RFXANK: variants seen among roughly 807,000 people sequenced by gnomAD.
The protein encoded by RFXANK is DNA-binding protein RFXANK.
Under a neutral mutation model 34.5 loss-of-function variants are expected in RFXANK, and 19 were observed. That is an observed-to-expected ratio of 0.55 (90% CI 0.38 to 0.81). The LOEUF (loss-of-function observed/expected upper bound fraction) is 0.81, where lower values mean the gene tolerates loss of function less well. Ranked by LOEUF, RFXANK falls within the 30% of genes least tolerant of loss-of-function variation. The pLI, the probability that RFXANK is intolerant of heterozygous loss-of-function variation, is 0.00. For synonymous variants in RFXANK, 154 were observed against 149.8 expected (o/e 1.03, Z -0.20); for missense variants, 295 against 343.5 (o/e 0.86, Z 1.12).
chr19:19,194,075 T>A lies in RFXANK; in HGVS notation c.129T>A (p.Phe43Leu), dbSNP rs770661421. ...DGSDTVVLSL[F>L]PCTPEPVNPE... ...CAGACACTGTGGTCCTCAGTCTCTT[T>A]CCCTGCACCCCTGAGCCTGTGAATC... The change falls in exon 3 of 10, where the codon TTT becomes TTA. Residue 43 changes from phenylalanine (F) to leucine (L), a missense_variant. By Grantham distance (22) the Phe-to-Leu change is conservative. Transcript: ENST00000303088. The A allele has an allele frequency of 1.2e-6, 2 of 1,614,176 alleles. No homozygotes were observed. The highest frequency in any genetic ancestry group is 1.7e-6 in the Non-Finnish European group (2 of 1,180,030).
rs754796981 is a variant in RFXANK, at chr19:19,198,154, G to A, written c.486G>A (p.Ser162=). The change falls in exon 7 of 10, where the codon TCG becomes TCA. Residue 162 remains serine, a synonymous_variant. Transcript: ENST00000303088. ...CAAAAGAGCGAGAGAGCGCCCTGTCGCTGGCCAGCACAGGCGGCTACACAG... is the reference window on the plus strand; with the variant it reads ...CAAAAGAGCGAGAGAGCGCCCTGTCACTGGCCAGCACAGGCGGCTACACAG... ...ILAKERESAL[S]LASTGGYTDI... The A allele has an allele frequency of 6.2e-6, 10 of 1,613,998 alleles. No individual in the cohort carries two copies. Among genetic ancestry groups the A allele is most frequent in the African/African-American group, 2.7e-5 (2 of 74,914 alleles).
rs1568578747 is a variant in RFXANK, at chr19:19,197,040, CTAG to C, written c.266_268del (p.Leu89_Asp90delinsHis). On this transcript the variant is annotated inframe_deletion, in exon 4 of 10. Transcript: ENST00000303088. ...CGAGGTGTCAGCTCTGCCGGCCACC[CTAG>C]ACTGTGAGTGGGCCCACGGTCCCCA... is the stretch of plus-strand genomic sequence containing the variant. The C allele has an allele frequency of 6.2e-7, 1 of 1,613,598 alleles. No homozygotes were observed. Among genetic ancestry groups the C allele is most frequent in the Admixed American group, 1.7e-5 (1 of 60,018 alleles).
Position 19,201,789 on chromosome 19 carries a change from T to C in RFXANK, c.*70T>C, listed in dbSNP as rs1651153225. On this transcript the variant is annotated 3_prime_UTR_variant, in exon 10 of 10. Coordinates refer to ENST00000303088, the MANE Select transcript of RFXANK (RefSeq NM_003721.4). ...AGCCAGAGCTGGGGAAACCCAGAAC[T>C]GACTTCAAAGGCAGCTTCTGGACAG... The C allele has an allele frequency of 1.2e-6, 2 of 1,613,316 alleles. No individual in the cohort carries two copies. Among genetic ancestry groups the C allele is most frequent in the Non-Finnish European group, 1.7e-6 (2 of 1,179,746 alleles).
At chr19:19,199,710 G>C (rs57379914) in intron 9 of RFXANK, among the ~76,000 whole-genome samples, 1 of 152,106 alleles carries the variant, frequency 6.6e-6, no homozygotes, top group African/African-American at 2.4e-5. Flanking sequence ...GACACCAAGG[G>C]GTAGGCGACC....
chr19:19,193,883 T>C, intron 2 of RFXANK, 56 bp from the exon 3 acceptor site: 1 of 1,595,264 alleles, frequency 6.3e-7, no homozygotes, highest in Admixed American at 1.7e-5. Context: ...CGGTGCCTAC[T>C]TTATTATAAC....
In RFXANK at chr19:19,197,513, C is replaced by T. The variant is rs778996915; in HGVS notation, c.338-8C>T. On this transcript the variant is annotated splice_polypyrimidine_tract_variant and splice_region_variant and intron_variant, in intron 5 of 9. Coordinates refer to ENST00000303088, the MANE Select transcript of RFXANK (RefSeq NM_003721.4). ...AGCCTGGTGGTATTGCCCGCCTCCT[C>T]CTGCCAGGTGACAACCTCGTCAACA... is the stretch of plus-strand genomic sequence containing the variant. 2.5e-6 allele frequency: 4 copies of T among 1,613,458 alleles called. No individual in the cohort carries two copies. Among genetic ancestry groups the T allele is most frequent in the Non-Finnish European group, 3.4e-6 (4 of 1,179,866 alleles).
intron 7 of RFXANK, 56 bp downstream of exon 7, chr19:19,198,288 C>G: frequency 1.2e-6 from 2 of 1,608,762 alleles, no homozygotes; most frequent in Non-Finnish European, 1.7e-6. Context: ...ATTCCTGCCT[C>G]AAATGTTCAC....
intron 6 of RFXANK, among the ~76,000 whole-genome samples, 155 bp from the exon 7 acceptor site, chr19:19,197,952 C>T (rs957088217): frequency 1.3e-5 from 2 of 151,020 alleles, no homozygotes; most frequent in Admixed American, 1.3e-4. Flanking sequence ...GCGGAGGTAG[C>T]AGTGAGCCGA....
chr19:19,199,146 C>G lies in RFXANK; in HGVS notation c.632-8C>G. 1 of 1,613,498 alleles carries G rather than the reference C, an allele frequency of 6.2e-7. No homozygotes were observed. Among genetic ancestry groups the G allele is most frequent in the Non-Finnish European group, 8.5e-7 (1 of 1,179,968 alleles). On this transcript the variant is annotated splice_polypyrimidine_tract_variant and splice_region_variant and intron_variant, in intron 8 of 9. Transcript: ENST00000303088. ...CCACCCTCCAGCGCCCTCCCCTCTC[C>G]TTTGCAGCCCGAGGCGCTGACCTCA...
Position 19,196,959 on chromosome 19 carries a change from C to A in RFXANK, c.188-4C>A. On this transcript the variant is annotated splice_polypyrimidine_tract_variant and splice_region_variant and intron_variant, in intron 3 of 9. Coordinates refer to ENST00000303088, the MANE Select transcript of RFXANK (RefSeq NM_003721.4). ...GAAACTGACGCCTGTTGTCTGTTTC[C>A]CAGCAGGCAGCTCCCTGAAGCACTC... is the stretch of plus-strand genomic sequence containing the variant. 6.2e-7 allele frequency: 1 copy of A among 1,610,968 alleles called. No homozygotes were observed. The highest frequency in any genetic ancestry group is 8.5e-7 in the Non-Finnish European group (1 of 1,179,776).
intron 3 of RFXANK, among the ~76,000 whole-genome samples, chr19:19,195,176 A>C (rs1256313393): frequency 1.4e-5 from 2 of 142,178 alleles, no homozygotes; most frequent in Non-Finnish European, 3.0e-5. Flanking sequence ...CTCCTGCTTC[A>C]GCCTCCCGAG....
In RFXANK at chr19:19,194,107, C is replaced by T. The variant is rs912409307; in HGVS notation, c.161C>T (p.Pro54Leu). The T allele has an allele frequency of 1.1e-5, 18 of 1,614,162 alleles. No individual in the cohort carries two copies. Among genetic ancestry groups the T allele is most frequent in the Non-Finnish European group, 1.5e-5 (18 of 1,180,018 alleles). Residue 54 changes from proline to leucine, a missense_variant, in exon 3 of 10, where the codon CCG becomes CTG. Physicochemically the swap from Pro to Leu is moderately conservative, Grantham distance 98. Transcript: ENST00000303088. ...PCTPEPVNPE[P>L]DASVSSPQAG... ...ACCCCTGAGCCTGTGAATCCTGAAC[C>T]GGATGCCAGTGTTTCCTCTCCACAG...
At chr19:19,200,427 T>C (rs148345116) in intron 9 of RFXANK, among the ~76,000 whole-genome samples, 4,205 of 152,002 alleles carry the variant, frequency 0.028, 196 homozygotes, top group African/African-American at 0.096. Flanking sequence ...CCGCCTGTGT[T>C]GGCCTCCCAA....
intron 9 of RFXANK, 42 bp from the exon 10 acceptor site, chr19:19,201,607 C>G: frequency 6.2e-7 from 1 of 1,613,486 alleles, no homozygotes; most frequent in African/African-American, 1.3e-5. Flanking sequence ...ACCCCACTCC[C>G]GATTCAAGCT....
intron 2 of RFXANK, among the ~76,000 whole-genome samples, 169 bp downstream of exon 2, chr19:19,193,269 C>A (rs1277340575): frequency 6.6e-6 from 1 of 152,106 alleles, no homozygotes; most frequent in Non-Finnish European, 1.5e-5. Flanking sequence ...AGACATAATT[C>A]GTTGTAGGTC....
At chr19:19,201,138 T>G (rs2060707245) in intron 9 of RFXANK, among the ~76,000 whole-genome samples, 1 of 152,020 alleles carries the variant, frequency 6.6e-6, no homozygotes, top group African/African-American at 2.4e-5. Flanking sequence ...GAGATGGGGT[T>G]TCATCATGTT....
At position 19,193,101 on chromosome 19, in the gene RFXANK, G is replaced by GT. The variant is rs1480952930; in HGVS notation, c.-9+2dup. On this transcript the variant is annotated splice_donor_variant, in intron 2 of 9. Coordinates refer to ENST00000303088, the MANE Select transcript of RFXANK (RefSeq NM_003721.4). LOFTEE classifies it low-confidence loss of function (5UTR_SPLICE). ...GGGGACAGAGGAGGCTCGTGGGGAGGTGAGTGGACCTCCTGGATCGATTTA... is the reference window on the plus strand; with the variant it reads ...GGGGACAGAGGAGGCTCGTGGGGAGGTTGAGTGGACCTCCTGGATCGATTTA... The GT allele has an allele frequency of 6.6e-6, 1 of 152,254 alleles. No homozygotes were observed. Among genetic ancestry groups the GT allele is most frequent in the East Asian group, 1.9e-4 (1 of 5,196 alleles). The allele number at this position is 152,254 out of a possible 1,614,324, so 9.4% of individuals were successfully genotyped here.
chr19:19,198,824 C>G (rs1193117045), intron 8 of RFXANK, 101 bp downstream of exon 8: 1 of 1,237,724 alleles, frequency 8.1e-7, no homozygotes, highest in Non-Finnish European at 1.2e-6. Flanking sequence ...TTGAAGAGTT[C>G]TTGGAGCAGG....
At chr19:19,194,340 C>T (rs1000845176) in intron 3 of RFXANK, among the ~76,000 whole-genome samples, 1 of 152,186 alleles carries the variant, frequency 6.6e-6, no homozygotes, top group Non-Finnish European at 1.5e-5. Context: ...TCAACTGATT[C>T]TCCTGTCTCA....
Sources: gnomAD v4.1 joint callset for allele counts (sites outside exome capture counted in the v4.1 genomes callset) on GRCh38, gnomAD v4.1.1 for gene constraint, MANE v1.5 for transcripts, NCBI Gene and HGNC (gene_info 2026-07-23, HGNC 2026-07-21) for gene names.